DNAH11: variants seen among roughly 807,000 people sequenced by gnomAD.
DNAH11 encodes the protein axonemal beta dynein heavy chain 11.
A neutral mutation model predicts 526.0 loss-of-function variants in DNAH11; 442 were observed. The observed-to-expected ratio is 0.84, with a 90% CI of 0.78 to 0.91. The LOEUF (loss-of-function observed/expected upper bound fraction) is 0.91. Among genes scored for constraint, DNAH11 ranks in the 40% least tolerant of loss-of-function variants. DNAH11 has a pLI of 0.00. For missense variants in DNAH11, 6,989 were observed against 5,448.7 expected, an observed-to-expected ratio of 1.28 and a Z score of -8.90; for synonymous variants, 2,461 against 1,935.9, an observed-to-expected ratio of 1.27 and a Z score of -7.12.
chr7:21,611,030 C>A (rs1419153675), intron 20 of DNAH11, among the ~76,000 whole-genome samples: 3 of 152,108 alleles, frequency 2.0e-5, no homozygotes, highest in African/African-American at 7.2e-5. Flanking sequence ...GCTGGTAAAA[C>A]ATTATTTCTG....
Position 21,787,420 on chromosome 7 carries a change from C to A in DNAH11, c.9761C>A (p.Ala3254Glu). 1 of 1,606,422 alleles carries A rather than the reference C, an allele frequency of 6.2e-7. No homozygotes were observed. The highest frequency in any genetic ancestry group is 1.7e-5 in the Admixed American group (1 of 58,778). The change falls in exon 60 of 82, where the codon GCA becomes GAA. Residue 3254 changes from alanine (A) to glutamate (E), a missense_variant. Coordinates refer to ENST00000409508, the MANE Select transcript of DNAH11 (RefSeq NM_001277115.2). Reference sequence around the variant, plus strand: ...TTGCAGGTTGATGATTTTTTGCAAGCATTAATTAACTATGACAAAGAGCAC... The same window carrying A: ...TTGCAGGTTGATGATTTTTTGCAAGAATTAATTAACTATGACAAAGAGCAC... Reference protein sequence around the residue: ...FMGKVDDFLQALINYDKEHIP... With the variant: ...FMGKVDDFLQELINYDKEHIP...
chr7:21,636,353 A>G (rs955285630), intron 26 of DNAH11, among the ~76,000 whole-genome samples: 3 of 152,226 alleles, frequency 2.0e-5, no homozygotes, highest in African/African-American at 7.2e-5. Flanking sequence ...TTATATGCCA[A>G]TAAAGCTTTA....
chr7:21,556,263 T>C (rs946868250), intron 2 of DNAH11, among the ~76,000 whole-genome samples: 2 of 152,216 alleles, frequency 1.3e-5, no homozygotes, highest in African/African-American at 2.4e-5. Flanking sequence ...GTGCATGAGC[T>C]GTGCGATTTG....
intron 67 of DNAH11, 105 bp downstream of exon 67, chr7:21,852,736 C>T (rs1488479276): frequency 9.8e-6 from 12 of 1,230,022 alleles, no homozygotes; most frequent in Admixed American, 2.6e-5. Flanking sequence ...AGAGGACCAG[C>T]GTGTGGAATT....
intron 45 of DNAH11, among the ~76,000 whole-genome samples, chr7:21,733,133 T>C (rs1318719420): frequency 3.3e-5 from 5 of 152,168 alleles, no homozygotes; most frequent in African/African-American, 1.2e-4. Context: ...AAGCCTGTAA[T>C]TGCAGCGCTT....
At chr7:21,613,221 T>C (rs189658151) in intron 20 of DNAH11, among the ~76,000 whole-genome samples, 2 of 152,344 alleles carry the variant, frequency 1.3e-5, no homozygotes, top group East Asian at 1.9e-4. Context: ...AAATGTGATA[T>C]ATGTAGTAAA....
intron 28 of DNAH11, among the ~76,000 whole-genome samples, chr7:21,646,380 A>G (rs915885789): frequency 6.6e-6 from 1 of 152,188 alleles, no homozygotes; most frequent in African/African-American, 2.4e-5. Flanking sequence ...AGGAACAGGG[A>G]TTCATCACAG....
At chr7:21,842,009 A>G (rs1782220839) in intron 65 of DNAH11, among the ~76,000 whole-genome samples, 1 of 152,160 alleles carries the variant, frequency 6.6e-6, no homozygotes. Flanking sequence ...GTTTTTATTA[A>G]CCTTTTAAAA....
intron 56 of DNAH11, among the ~76,000 whole-genome samples, chr7:21,778,530 A>G (rs1012003109): frequency 2.0e-5 from 3 of 152,168 alleles, no homozygotes; most frequent in African/African-American, 7.2e-5. Context: ...TCGTCAACTT[A>G]CTGAAGCCTC....
At chr7:21,756,838 A>G (rs1405469366) in intron 54 of DNAH11, among the ~76,000 whole-genome samples, 4 of 152,220 alleles carry the variant, frequency 2.6e-5, no homozygotes, top group African/African-American at 4.8e-5. Flanking sequence ...AAGAATTAGC[A>G]TCTTTATAAT....
At position 21,901,208 on chromosome 7, in the gene DNAH11, CTGCAAAA is replaced by C; in HGVS notation, c.13508_13514del (p.Ala4503GlyfsTer10). The C allele has an allele frequency of 1.2e-6, 2 of 1,613,876 alleles. No homozygotes were observed. The highest frequency in any genetic ancestry group is 1.7e-6 in the Non-Finnish European group (2 of 1,179,804). Reference sequence around the variant, plus strand: ...TTCAGGCTGAAGAGCGAAGAGAAGACTGCAAAATGGGTTCTGGCTGGAGTGGCTCTGC... The same window carrying C: ...TTCAGGCTGAAGAGCGAAGAGAAGACTGGGTTCTGGCTGGAGTGGCTCTGC... On this transcript the variant is annotated frameshift_variant, in exon 82 of 82. Transcript: ENST00000409508. LOFTEE classifies it high-confidence loss of function.
intron 28 of DNAH11, among the ~76,000 whole-genome samples, chr7:21,647,838 A>T (rs1316590382): frequency 6.6e-6 from 1 of 152,240 alleles, no homozygotes; most frequent in African/African-American, 2.4e-5. Flanking sequence ...CAAAATAAAG[A>T]TGTTTTAACA....
Position 21,543,474 on chromosome 7 carries a change from T to C in DNAH11, c.229T>C (p.Trp77Arg). The change falls in exon 1 of 82, where the codon TGG becomes CGG. Residue 77 changes from tryptophan (W) to arginine (R), a missense_variant. By Grantham distance (101) the Trp-to-Arg change is moderately radical. Coordinates refer to ENST00000409508, the MANE Select transcript of DNAH11 (RefSeq NM_001277115.2). The stretch of plus-strand genomic sequence containing the variant: ...GATGCTGGGGTTCACGGAGGAGAAA[T>C]GGAGCCAGTATTTGGAAAGCGAGGA... The part of the protein sequence containing the change: ...AMMLGFTEEK[W>R]SQYLESEDNR... 1 of 1,593,012 alleles carries C rather than the reference T, an allele frequency of 6.3e-7. No individual in the cohort carries two copies. Among genetic ancestry groups the C allele is most frequent in the Non-Finnish European group, 8.6e-7 (1 of 1,169,312 alleles).
chr7:21,756,847 A>G (rs1786660853), intron 54 of DNAH11, among the ~76,000 whole-genome samples: 1 of 152,196 alleles, frequency 6.6e-6, no homozygotes, highest in South Asian at 2.1e-4. Flanking sequence ...CATCTTTATA[A>G]TAATTGACCT....
At position 21,801,184 on chromosome 7, in the gene DNAH11, A is replaced by T. The variant is rs952028220; in HGVS notation, c.10074A>T (p.Ala3358=). 2 of 1,612,882 alleles carry T rather than the reference A, an allele frequency of 1.2e-6. No individual in the cohort carries two copies. The highest frequency in any genetic ancestry group is 2.7e-5 in the African/African-American group (2 of 74,938). The part of the protein sequence containing the change: ...LSRLTASFEK[A]TAEKVRCQEE... Reference sequence around the variant, plus strand: ...GACTCACGGCTTCATTTGAAAAAGCAACAGCTGAGAAAGTCCGGTGTCAAG... The same window carrying T: ...GACTCACGGCTTCATTTGAAAAAGCTACAGCTGAGAAAGTCCGGTGTCAAG... Residue 3358 remains alanine (A), a synonymous_variant, in exon 62 of 82, where the codon GCA becomes GCT. Transcript: ENST00000409508.
chr7:21,745,998 A>C (rs140260267), intron 51 of DNAH11, among the ~76,000 whole-genome samples: 1 of 152,226 alleles, frequency 6.6e-6, no homozygotes, highest in Non-Finnish European at 1.5e-5. Context: ...AAATATAACA[A>C]AAATGGAGAG....
chr7:21,546,120 A>G (rs1181786077), intron 2 of DNAH11, among the ~76,000 whole-genome samples: 1 of 152,212 alleles, frequency 6.6e-6, no homozygotes, highest in African/African-American at 2.4e-5. Flanking sequence ...CAAGGCCGAT[A>G]TTTAAGGTAG....
intron 76 of DNAH11, among the ~76,000 whole-genome samples, chr7:21,885,318 G>C (rs1047606139): frequency 6.0e-5 from 9 of 149,610 alleles, no homozygotes; most frequent in African/African-American, 2.2e-4. Flanking sequence ...AGATGCTCCA[G>C]GGTGAACCTG....
chr7:21,587,783 G>A (rs1784524665), intron 9 of DNAH11, among the ~76,000 whole-genome samples: 2 of 152,094 alleles, frequency 1.3e-5, no homozygotes, highest in African/African-American at 4.8e-5. Flanking sequence ...ATGTTACCTG[G>A]AACCCAACAG....
Sources: allele counts gnomAD v4.1 joint callset (sites outside exome capture counted in the v4.1 genomes callset), GRCh38; gene constraint gnomAD v4.1.1; transcripts MANE v1.5; gene names NCBI Gene and HGNC (gene_info 2026-07-23, HGNC 2026-07-21).